The following CFAP299 variants were observed in gnomAD, a reference collection of about 807,000 sequenced individuals.
The protein encoded by CFAP299 is cilia and flagella associated protein 299.
Under a neutral mutation model 27.0 loss-of-function variants are expected in CFAP299, and 21 were observed. That is an observed-to-expected ratio of 0.78 (90% CI 0.55 to 1.12). The LOEUF (loss-of-function observed/expected upper bound fraction) is 1.12. Among genes scored for constraint, CFAP299 ranks in the 50% most tolerant of loss-of-function variants. CFAP299 has a pLI of 0.00. For synonymous variants in CFAP299, 104 were observed against 98.1 expected (o/e 1.06, Z -0.36); for missense variants, 310 against 276.6 (o/e 1.12, Z -0.86).
chr4:80,899,251 A>T (rs1734764002), intron 4 of CFAP299, among the ~76,000 whole-genome samples: 1 of 152,138 alleles, frequency 6.6e-6, no homozygotes, highest in African/African-American at 2.4e-5. Context: ...AACATTTCCG[A>T]CTCTTAAATT....
At chr4:80,868,108 TC>T (rs1732851816) in intron 3 of CFAP299, among the ~76,000 whole-genome samples, 1 of 152,158 alleles carries the variant, frequency 6.6e-6, no homozygotes, top group Non-Finnish European at 1.5e-5. Flanking sequence ...CTTTAATCAC[TC>T]CCTCCAAACA....
intron 2 of CFAP299, among the ~76,000 whole-genome samples, chr4:80,424,930 C>G (rs141713555): frequency 6.6e-6 from 1 of 152,254 alleles, no homozygotes; most frequent in East Asian, 1.9e-4. Flanking sequence ...CCAGCCAGAA[C>G]CAGCACATAG....
At chr4:80,603,891 A>G (rs1304043863) in intron 3 of CFAP299, among the ~76,000 whole-genome samples, 1 of 152,214 alleles carries the variant, frequency 6.6e-6, no homozygotes, top group African/African-American at 2.4e-5. Context: ...ATTATTTCTG[A>G]GTGGTAGAAT....
chr4:80,330,826 A>G (rs1193472959), upstream of CFAP299, among the ~76,000 whole-genome samples: 1 of 152,214 alleles, frequency 6.6e-6, no homozygotes, highest in East Asian at 1.9e-4. Context: ...TCCAAAATGA[A>G]TCACTGAAAT....
At chr4:80,765,745 T>C (rs1309018037) in intron 3 of CFAP299, among the ~76,000 whole-genome samples, 1 of 152,116 alleles carries the variant, frequency 6.6e-6, no homozygotes. Context: ...AAATATTGTG[T>C]AATAATTAAA....
chr4:80,852,104 C>T (rs1353763548), intron 3 of CFAP299, among the ~76,000 whole-genome samples: 1 of 152,030 alleles, frequency 6.6e-6, no homozygotes, highest in Non-Finnish European at 1.5e-5. Context: ...TTGTATTGTA[C>T]CTTTATACCT....
chr4:80,808,919 T>G (rs1223740025), intron 3 of CFAP299, among the ~76,000 whole-genome samples: 1 of 152,134 alleles, frequency 6.6e-6, no homozygotes, highest in South Asian at 2.1e-4. Flanking sequence ...TAAATTTATA[T>G]GCATATCTTC....
chr4:80,867,204 T>C (rs965343027), intron 3 of CFAP299, among the ~76,000 whole-genome samples: 2 of 152,136 alleles, frequency 1.3e-5, no homozygotes, highest in Admixed American at 6.6e-5. Context: ...CCTTGTATCA[T>C]TATGTAGTGA....
intron 2 of CFAP299, among the ~76,000 whole-genome samples, chr4:80,532,602 C>T (rs1733531232): frequency 1.3e-5 from 2 of 152,120 alleles, no homozygotes; most frequent in African/African-American, 4.8e-5. Context: ...GTTATTTTCT[C>T]ATTAATTAGT....
chr4:80,583,323 G>A, intron 3 of CFAP299, 140 bp downstream of exon 3: 2 of 426,900 alleles, frequency 4.7e-6, no homozygotes, highest in Non-Finnish European at 4.1e-6. Flanking sequence ...ATATATTATA[G>A]GAATATACAT....
chr4:80,783,262 T>A lies in CFAP299; in HGVS notation c.334-86731T>A, dbSNP rs183584672. On this transcript the variant is annotated intron_variant, in intron 3 of 5. Transcript: ENST00000358105. ...CTCTTTTATGCTCAGAAACACTATG[T>A]CACTTACACAATATTCTGTTAGTTA... 3.7e-3 allele frequency among the ~76,000 whole-genome samples: 558 copies of A among 152,256 alleles called. 1 individual carries two copies. The highest frequency in any genetic ancestry group is 5.0e-3 in the Non-Finnish European group (342 of 68,024).
intron 4 of CFAP299, among the ~76,000 whole-genome samples, chr4:80,937,298 CTTTTTTTTTCTTTCTTTT>C (rs1736943416): frequency 1.1e-5 from 1 of 94,360 alleles, no homozygotes; most frequent in Non-Finnish European, 2.1e-5. Flanking sequence ...TTTCTTTTTT[CTTTTTTTTTCTTTCTTTT>C]TTTTTTTTTT....
chr4:80,493,658 G>A (rs1257840597), intron 2 of CFAP299, among the ~76,000 whole-genome samples: 1 of 149,830 alleles, frequency 6.7e-6, no homozygotes, highest in African/African-American at 2.4e-5. Context: ...AGAGCATTTA[G>A]AATTCATATT....
intron 3 of CFAP299, among the ~76,000 whole-genome samples, chr4:80,642,681 T>C (rs1484970214): frequency 6.6e-6 from 1 of 152,058 alleles, no homozygotes; most frequent in Non-Finnish European, 1.5e-5. Flanking sequence ...GGAGAATCAC[T>C]TGAACCCGGG....
At chr4:80,783,689 A>T (rs1727067233) in intron 3 of CFAP299, among the ~76,000 whole-genome samples, 1 of 152,180 alleles carries the variant, frequency 6.6e-6, no homozygotes, top group South Asian at 2.1e-4. Context: ...CATTTTGAAC[A>T]ACATCACTGG....
chr4:80,397,615 C>T (rs991655325), intron 2 of CFAP299, among the ~76,000 whole-genome samples: 10 of 152,096 alleles, frequency 6.6e-5, no homozygotes, highest in South Asian at 4.2e-4. Context: ...ATGCAGAAAA[C>T]GCCTTTGACA....
chr4:80,546,892 G>T (rs369451006), intron 2 of CFAP299, among the ~76,000 whole-genome samples: 1 of 151,928 alleles, frequency 6.6e-6, no homozygotes, highest in Non-Finnish European at 1.5e-5. Context: ...TTTCTTTATA[G>T]CAATGCAAGA....
the CFAP299 span, among the ~76,000 whole-genome samples, chr4:80,328,270 C>T: frequency 2.6e-5 from 4 of 152,074 alleles, no homozygotes; most frequent in Admixed American, 6.6e-5. Flanking sequence ...GTTTTAAAGA[C>T]ATGAGATTCT....
chr4:80,621,741 A>G (rs1444493636), intron 3 of CFAP299, among the ~76,000 whole-genome samples: 1 of 152,180 alleles, frequency 6.6e-6, no homozygotes, highest in East Asian at 1.9e-4. Flanking sequence ...TCAACAAGTA[A>G]TTATTACAGC....
Sources: allele counts gnomAD v4.1 joint callset (sites outside exome capture counted in the v4.1 genomes callset), GRCh38; gene constraint gnomAD v4.1.1; transcripts MANE v1.5; gene names NCBI Gene and HGNC (gene_info 2026-07-23, HGNC 2026-07-21).